The following MMP26 variants were observed in gnomAD, a reference collection of about 807,000 sequenced individuals.
The protein encoded by MMP26 is matrix metallopeptidase 26.
A neutral mutation model predicts 31.0 loss-of-function variants in MMP26; 33 were observed. The observed-to-expected ratio is 1.06, with a 90% confidence interval of 0.81 to 1.42. MMP26 has a LOEUF of 1.42. Among genes scored for constraint, MMP26 ranks in the 40% most tolerant of loss-of-function variants. The pLI, the probability that MMP26 is intolerant of heterozygous loss-of-function variation, is 0.00. For synonymous variants in MMP26, 122 were observed against 114.9 expected, an observed-to-expected ratio of 1.06 and a Z score of -0.40; for missense variants, 347 against 316.1, an observed-to-expected ratio of 1.10 and a Z score of -0.74.
intron 2 of MMP26, among the ~76,000 whole-genome samples, chr11:4,795,663 A>G (rs1184691937): frequency 6.6e-6 from 1 of 152,236 alleles, no homozygotes; most frequent in African/African-American, 2.4e-5. Flanking sequence ...TAAACATAAG[A>G]ACACTTGTCC....
chr11:4,915,556 C>T, intron 2 of MMP26: 1 of 1,614,008 alleles, frequency 6.2e-7, no homozygotes, highest in South Asian at 1.1e-5. Flanking sequence ...ACATGAAGCA[C>T]AGTGGGATGG....
At chr11:4,923,435 C>A (rs764009160) in intron 2 of MMP26, 1 of 1,599,612 alleles carries the variant, frequency 6.3e-7, no homozygotes, top group Admixed American at 1.7e-5. Context: ...GATGCGCTGG[C>A]GAATTTGCTT....
At chr11:4,743,311 T>C (rs1397490083) in intron 1 of MMP26, among the ~76,000 whole-genome samples, 2 of 152,212 alleles carry the variant, frequency 1.3e-5, no homozygotes, top group African/African-American at 4.8e-5. Context: ...AAAACTCATT[T>C]TCTTGTCAAT....
chr11:4,835,177 CT>C (rs976777040), intron 2 of MMP26, among the ~76,000 whole-genome samples: 6 of 148,356 alleles, frequency 4.0e-5, no homozygotes, highest in East Asian at 1.9e-4. Flanking sequence ...TCCCTCCCCC[CT>C]CTCTCTCTCT....
rs79542077 is a variant in MMP26 at position 4,737,239 on chromosome 11, C to T, written c.-216-30031C>T. On this transcript the variant is annotated intron_variant, in intron 1 of 7. Transcript: ENST00000380390. ...TTGGAGATTATTTTTAGGATTTTAA[C>T]GTCTCCTTTCTACTTCCCAGTTTTG... Among the ~76,000 whole-genome samples the T allele has an allele frequency of 6.6e-3, 1,012 of 152,244 alleles. 12 individuals are homozygous for T. Among genetic ancestry groups the T allele is most frequent in the African/African-American group, 0.023 (956 of 41,544 alleles).
chr11:4,824,053 C>A (rs959835286), intron 2 of MMP26, among the ~76,000 whole-genome samples: 2 of 152,050 alleles, frequency 1.3e-5, no homozygotes, highest in African/African-American at 2.4e-5. Flanking sequence ...TTGTAAATGA[C>A]CTTAGACTGT....
chr11:4,946,134 C>A, intron 2 of MMP26: 1 of 1,591,120 alleles, frequency 6.3e-7, no homozygotes, highest in Non-Finnish European at 8.6e-7. Flanking sequence ...CCAGACATTT[C>A]CAGGTTTTCT....
chr11:4,765,135 G>T (rs555363832), intron 1 of MMP26, among the ~76,000 whole-genome samples: 2 of 152,244 alleles, frequency 1.3e-5, no homozygotes, highest in East Asian at 3.9e-4. Flanking sequence ...ATATGTCGGA[G>T]CATGGGCACT....
rs116684830 is a variant in MMP26, at chr11:4,972,546, T to G, written c.-144-15522T>G. Among the ~76,000 whole-genome samples the G allele has an allele frequency of 7.6e-3, 1,165 of 152,304 alleles. 14 individuals carry two copies. The highest frequency in any genetic ancestry group is 0.027 in the African/African-American group (1,119 of 41,574). On this transcript the variant is annotated intron_variant, in intron 2 of 7. Transcript: ENST00000380390. ...TGAGAACAAGCACATATCTCAAAGA[T>G]GTCAAAAATATGTGCTGAAAATAAG...
intron 2 of MMP26, among the ~76,000 whole-genome samples, chr11:4,855,932 A>G (rs1850045174): frequency 6.6e-6 from 1 of 152,226 alleles, no homozygotes; most frequent in Non-Finnish European, 1.5e-5. Context: ...ATTCTTAAAG[A>G]AAAGAATTTT....
At chr11:4,848,114 G>A in intron 2 of MMP26, 2 of 1,023,016 alleles carry the variant, frequency 2.0e-6, no homozygotes, top group Admixed American at 2.4e-5. Flanking sequence ...GGGACAGGAA[G>A]CTACATGCAC....
At chr11:4,866,177 A>C (rs1476165704) in intron 2 of MMP26, among the ~76,000 whole-genome samples, 3 of 152,154 alleles carry the variant, frequency 2.0e-5, no homozygotes, top group Non-Finnish European at 4.4e-5. Context: ...AATGATCTGA[A>C]AGTAATCAGT....
At chr11:4,970,750 G>A (rs200406511) in intron 2 of MMP26, among the ~76,000 whole-genome samples, 1 of 152,184 alleles carries the variant, frequency 6.6e-6, no homozygotes, top group East Asian at 1.9e-4. Flanking sequence ...TCTGGTGGTG[G>A]CTATGGCAGT....
intron 2 of MMP26, chr11:4,822,154 T>A (rs916696960): frequency 9.9e-6 from 16 of 1,613,208 alleles, no homozygotes; most frequent in Middle Eastern, 1.6e-4. Flanking sequence ...CACCTGCACA[T>A]CCCACATCAG....
intron 1 of MMP26, among the ~76,000 whole-genome samples, chr11:4,763,760 A>G (rs1259385144): frequency 6.6e-6 from 1 of 152,254 alleles, no homozygotes; most frequent in Non-Finnish European, 1.5e-5. Flanking sequence ...GGAAACACAG[A>G]CAAGCTGCTG....
intron 2 of MMP26, among the ~76,000 whole-genome samples, chr11:4,844,882 C>T (rs1376934280): frequency 2.6e-5 from 4 of 152,106 alleles, no homozygotes; most frequent in Non-Finnish European, 5.9e-5. Flanking sequence ...TATTATTCAA[C>T]ACAGTATTGG....
chr11:4,806,768 C>G (rs1849275964), intron 2 of MMP26, among the ~76,000 whole-genome samples: 1 of 152,134 alleles, frequency 6.6e-6, no homozygotes, highest in Admixed American at 6.5e-5. Context: ...TAGGTTTGCT[C>G]AAAACAAATA....
In MMP26 at chr11:4,955,692, A is replaced by G. The variant is rs201735173; in HGVS notation, c.-144-32376A>G. On this transcript the variant is annotated intron_variant, in intron 2 of 7. Transcript: ENST00000380390. ...AAGAAGAAGGTGGTGATTTCAACATATGATGTGTTGATAATGGACATGATT... is the reference window on the plus strand; with the variant it reads ...AAGAAGAAGGTGGTGATTTCAACATGTGATGTGTTGATAATGGACATGATT... The G allele has an allele frequency of 4.9e-5, 75 of 1,542,466 alleles. 1 individual carries two copies. The Admixed American group carries it at 1.3e-3, about 27-fold the overall frequency.
chr11:4,769,257 T>C (rs373726031), intron 2 of MMP26: 4 of 1,613,556 alleles, frequency 2.5e-6, no homozygotes, highest in African/African-American at 2.7e-5. Flanking sequence ...ATAATTAAGA[T>C]ATATGACAGG....
Sources: gnomAD v4.1 joint callset for allele counts (sites outside exome capture counted in the v4.1 genomes callset) on GRCh38, gnomAD v4.1.1 for gene constraint, MANE v1.5 for transcripts, NCBI Gene and HGNC (gene_info 2026-07-23, HGNC 2026-07-21) for gene names.